Variants in UBAC1 observed in about 807,000 individuals in gnomAD.
UBAC1 encodes UBA domain containing 1.
UBAC1 carries 27 observed loss-of-function variants against 45.9 expected under a neutral mutation model. That is an observed-to-expected ratio of 0.59 (90% CI 0.43 to 0.81). The LOEUF is 0.81. UBAC1 is among the 30% of genes least tolerant of loss of function. The pLI is 0.00. For synonymous variants in UBAC1, 227 were observed against 215.5 expected, an observed-to-expected ratio of 1.05 and a Z score of -0.47; for missense variants, 529 against 539.2, an observed-to-expected ratio of 0.98 and a Z score of 0.19.
chr9:135,937,246 A>G (rs1258220751), intron 9 of UBAC1, among the ~76,000 whole-genome samples: 1 of 152,040 alleles, frequency 6.6e-6, no homozygotes, highest in Non-Finnish European at 1.5e-5. Flanking sequence ...GTTCGAGACC[A>G]GCCTGGCAAA....
rs781652177 is a variant in UBAC1, at chr9:135,938,212, G to A, written c.1102+10C>T. The A allele has an allele frequency of 1.9e-6, 3 of 1,613,386 alleles. No homozygotes were observed. Among genetic ancestry groups the A allele is most frequent in the Non-Finnish European group, 2.5e-6 (3 of 1,179,742 alleles). ...CGACCCGAGACTTAGCATAAAGAAGGCGCACATACCTAGCAATGTTTTCGG... is the reference window on the plus strand; with the variant it reads ...CGACCCGAGACTTAGCATAAAGAAGACGCACATACCTAGCAATGTTTTCGG... On this transcript the variant is annotated intron_variant, in intron 9 of 9. Transcript: ENST00000371756.
chr9:135,954,085 G>C (rs984431327), intron 2 of UBAC1, among the ~76,000 whole-genome samples: 4 of 149,732 alleles, frequency 2.7e-5, no homozygotes, highest in African/African-American at 9.9e-5. Flanking sequence ...GTTGCACTGA[G>C]CCAAGATTGC....
chr9:135,938,051 G>A (rs761862298), intron 9 of UBAC1, among the ~76,000 whole-genome samples, 171 bp downstream of exon 9: 7 of 152,290 alleles, frequency 4.6e-5, no homozygotes, highest in Middle Eastern at 3.4e-3. Context: ...CCACAGTGAC[G>A]TAGCGGGACT....
At position 135,939,701 on chromosome 9, in the gene UBAC1, C is replaced by A; in HGVS notation, c.935G>T (p.Arg312Ile). 6.2e-7 allele frequency: 1 copy of A among 1,614,080 alleles called. No individual in the cohort carries two copies. Among genetic ancestry groups the A allele is most frequent in the Non-Finnish European group, 8.5e-7 (1 of 1,179,934 alleles). The change falls in exon 8 of 10, where the codon AGA becomes ATA. Residue 312 changes from arginine to isoleucine, a missense_variant. Physicochemically the swap from Arg to Ile is moderately conservative, Grantham distance 97. Transcript: ENST00000371756. ...FDEKEVIDALRVNNNQQNAAC... is the reference protein window; with the variant it reads ...FDEKEVIDALIVNNNQQNAAC... ...GGCATTCTGCTGGTTGTTGTTCACT[C>A]TGAGGGCATCTATCACCTCTTTCTC...
chr9:135,948,020 G>T, intron 3 of UBAC1, 115 bp from the exon 4 acceptor site: 2 of 980,736 alleles, frequency 2.0e-6, no homozygotes, highest in South Asian at 3.3e-5. Context: ...TTAGGAGCCA[G>T]AGGTGTAAAC....
chr9:135,945,880 C>T lies in UBAC1; in HGVS notation c.653+9G>A, dbSNP rs756297140. On this transcript the variant is annotated intron_variant, in intron 6 of 9. Transcript: ENST00000371756. ...CTCCGGCAAGGGAAGGAGGTGGCCC[C>T]CCACGCACTGGTTCAGCTGAAGGGC... The T allele has an allele frequency of 6.2e-7, 1 of 1,613,160 alleles. No individual in the cohort carries two copies. Among genetic ancestry groups the T allele is most frequent in the Non-Finnish European group, 8.5e-7 (1 of 1,179,366 alleles).
At chr9:135,949,013 AC>A (rs1839373556) in intron 3 of UBAC1, among the ~76,000 whole-genome samples, 1 of 151,486 alleles carries the variant, frequency 6.6e-6, no homozygotes, top group Non-Finnish European at 1.5e-5. Flanking sequence ...AGCTGAGATC[AC>A]ACCACCGCAC....
intron 3 of UBAC1, 44 bp from the exon 4 acceptor site, chr9:135,947,949 C>T (rs1266551254): frequency 1.3e-6 from 2 of 1,562,638 alleles, no homozygotes; most frequent in Admixed American, 1.8e-5. Context: ...AACGTAAGAG[C>T]AGCAAAAAGA....
Position 135,945,134 on chromosome 9 carries a change from G to C in UBAC1, c.770C>G (p.Ser257Cys). ...GGCGCTGGCTCCCGCGGCAGCCTCGGAGGCAGCTGCTGTGGCCCCCTCGGC... is the reference window on the plus strand; with the variant it reads ...GGCGCTGGCTCCCGCGGCAGCCTCGCAGGCAGCTGCTGTGGCCCCCTCGGC... ...PEAEGATAAA[S>C]EAAAGASATD... Residue 257 changes from serine (S) to cysteine (C), a missense_variant, in exon 7 of 10, where the codon TCC becomes TGC. Transcript: ENST00000371756. 1 of 1,613,936 alleles carries C rather than the reference G, an allele frequency of 6.2e-7. No homozygotes were observed. The highest frequency in any genetic ancestry group is 8.5e-7 in the Non-Finnish European group (1 of 1,179,968).
chr9:135,938,183 TC>T (rs1331894024), intron 9 of UBAC1, 38 bp downstream of exon 9: 1 of 1,604,862 alleles, frequency 6.2e-7, no homozygotes, highest in Non-Finnish European at 8.5e-7. Context: ...CCAGCCAGCC[TC>T]CCCGACCCGA....
At chr9:135,941,366 A>G (rs1465715574) in intron 7 of UBAC1, among the ~76,000 whole-genome samples, 2 of 152,098 alleles carry the variant, frequency 1.3e-5, no homozygotes, top group Non-Finnish European at 2.9e-5. Flanking sequence ...AGATCGCACC[A>G]CTGTACTCCA....
At chr9:135,946,195 T>TGCGTGGAGCTGCAGA in intron 5 of UBAC1, 74 bp downstream of exon 5, 1 of 1,162,148 alleles carries the variant, frequency 8.6e-7, no homozygotes. Context: ...CAGTGGTCAG[T>TGCGTGGAGCTGCAGA]GCGTGGAGCT....
chr9:135,947,874 T>A lies in UBAC1; in HGVS notation c.365A>T (p.Glu122Val), dbSNP rs1839357241. 1 of 1,614,180 alleles carries A rather than the reference T, an allele frequency of 6.2e-7. No homozygotes were observed. Among genetic ancestry groups the A allele is most frequent in the Non-Finnish European group, 8.5e-7 (1 of 1,180,010 alleles). The change falls in exon 4 of 10, where the codon GAG becomes GTG. Residue 122 changes from glutamate (E) to valine (V), a missense_variant. Glu to Val is a moderately radical substitution (Grantham distance 121). Transcript: ENST00000371756. Reference protein sequence around the residue: ...KKQDQKAPDKEAILRATANLP... With the variant: ...KKQDQKAPDKVAILRATANLP... The stretch of plus-strand genomic sequence containing the variant: ...GTTGGCGGTGGCCCGCAGTATGGCC[T>A]CTTTATCTGGAGCTTTCTGGTCTTG...
rs1839526597 is a variant in UBAC1, at chr9:135,960,918, A to C, written c.138+107T>G. 4 of 1,024,202 alleles carry C rather than the reference A, an allele frequency of 3.9e-6. No homozygotes were observed. The South Asian group carries it at 5.7e-5, about 15-fold the overall frequency. 63.4% of individuals were successfully genotyped at this position (1,024,202 alleles called of 1,614,324 possible). ...GGAGGAGAGGGCCTGGGAGCTGCGG[A>C]CTGGGCGGCGGACCCCAGGTCGGGG... is the stretch of plus-strand genomic sequence containing the variant. On this transcript the variant is annotated intron_variant, in intron 1 of 9. Transcript: ENST00000371756.
intron 3 of UBAC1, among the ~76,000 whole-genome samples, chr9:135,948,309 G>C (rs1478678875): frequency 1.3e-5 from 2 of 152,256 alleles, no homozygotes; most frequent in East Asian, 3.8e-4. Flanking sequence ...AGTCATGGCA[G>C]TAGAAACTCA....
chr9:135,941,611 G>A lies in UBAC1; in HGVS notation c.877-1852C>T, dbSNP rs182589923. Among the ~76,000 whole-genome samples the A allele has an allele frequency of 7.1e-4, 108 of 152,284 alleles. No individual in the cohort carries two copies. In the South Asian group the frequency reaches 8.3e-3, roughly 12 times the overall value. On this transcript the variant is annotated intron_variant, in intron 7 of 9. Coordinates refer to ENST00000371756, the MANE Select transcript of UBAC1 (RefSeq NM_016172.3). ...ACTAGCTTCAATAGGAAGTACTGTC[G>A]CTCATTTCTACCTCAGCCCAGGAAA... is the stretch of plus-strand genomic sequence containing the variant.
At chr9:135,937,881 G>A (rs533131036) in intron 9 of UBAC1, among the ~76,000 whole-genome samples, 1 of 152,220 alleles carries the variant, frequency 6.6e-6, no homozygotes, top group African/African-American at 2.4e-5. Flanking sequence ...AAGAGCAAAA[G>A]CCCAAACCAC....
chr9:135,935,942 C>T (rs528829443), intron 9 of UBAC1, among the ~76,000 whole-genome samples: 11 of 150,866 alleles, frequency 7.3e-5, no homozygotes, highest in African/African-American at 1.5e-4. Flanking sequence ...AGGAGAATGG[C>T]GTGAACCCGG....
chr9:135,959,957 C>T (rs1449273379), intron 1 of UBAC1, among the ~76,000 whole-genome samples: 1 of 152,184 alleles, frequency 6.6e-6, no homozygotes, highest in African/African-American at 2.4e-5. Flanking sequence ...CCAAGCTTGC[C>T]TCTGACAGTT....
Sources: gnomAD v4.1 joint callset for allele counts (sites outside exome capture counted in the v4.1 genomes callset) on GRCh38, gnomAD v4.1.1 for gene constraint, MANE v1.5 for transcripts, NCBI Gene and HGNC (gene_info 2026-07-23, HGNC 2026-07-21) for gene names.